Variants in TBC1D15 observed in about 807,000 individuals in gnomAD.
TBC1D15 encodes the protein GAP for RAB7.
In TBC1D15, 39 loss-of-function variants were observed where a neutral mutation model predicts 95.4. The observed-to-expected ratio is 0.41, with a 90% CI of 0.32 to 0.53. TBC1D15 has a LOEUF of 0.53. Ranked by LOEUF, TBC1D15 falls within the 20% of genes least tolerant of loss-of-function variation. The probability of loss-of-function intolerance (pLI) is 0.29; values close to 1 mark genes in which losing one functional copy is unlikely to be tolerated. For synonymous variants in TBC1D15, 258 were observed against 261.3 expected, an observed-to-expected ratio of 0.99 and a Z score of 0.12; for missense variants, 733 against 794.3, an observed-to-expected ratio of 0.92 and a Z score of 0.93.
chr12:71,920,230 C>A (rs1868753084), intron 14 of TBC1D15, among the ~76,000 whole-genome samples: 1 of 152,152 alleles, frequency 6.6e-6, no homozygotes, highest in Non-Finnish European at 1.5e-5. Context: ...TTGTCACAAT[C>A]AGGGATAAAA....
At chr12:71,918,743 TC>T (rs563163271) in intron 14 of TBC1D15, among the ~76,000 whole-genome samples, 195 bp downstream of exon 14, 167 of 152,342 alleles carry the variant, frequency 1.1e-3, no homozygotes, top group African/African-American at 3.7e-3. Flanking sequence ...GCTTCGTTCT[TC>T]AAATCACAAT....
intron 4 of TBC1D15, among the ~76,000 whole-genome samples, chr12:71,881,833 G>A (rs1254099169): frequency 3.4e-5 from 5 of 148,826 alleles, no homozygotes; most frequent in South Asian, 2.1e-4. Context: ...CAGGGGAATC[G>A]CTTGAGCCTG....
chr12:71,889,092 G>C (rs1464914069), intron 5 of TBC1D15, among the ~76,000 whole-genome samples: 1 of 152,200 alleles, frequency 6.6e-6, no homozygotes, highest in East Asian at 1.9e-4. Flanking sequence ...ATCAACTAAG[G>C]GGAGCATAGA....
chr12:71,918,987 T>C (rs375680088), intron 14 of TBC1D15, among the ~76,000 whole-genome samples: 6 of 152,190 alleles, frequency 3.9e-5, no homozygotes, highest in African/African-American at 1.4e-4. Context: ...GTTTGTTACA[T>C]AGGTAAATTG....
In TBC1D15 at chr12:71,903,221, C is replaced by T. The variant is rs184568277; in HGVS notation, c.1184-3801C>T. Among the ~76,000 whole-genome samples the T allele has an allele frequency of 3.3e-5, 5 of 152,228 alleles. No individual in the cohort carries two copies. The East Asian group carries it at 5.8e-4, about 18-fold the overall frequency. On this transcript the variant is annotated intron_variant, in intron 10 of 16. Transcript: ENST00000485960. ...GAGTTACCATGCCTGGCTGCAGACACGTCTTAAAAGAAGACATAAACACTG... is the reference window on the plus strand; with the variant it reads ...GAGTTACCATGCCTGGCTGCAGACATGTCTTAAAAGAAGACATAAACACTG...
chr12:71,913,238 C>G (rs1902841888), intron 11 of TBC1D15: 1 of 152,102 alleles, frequency 6.6e-6, no homozygotes, highest in Non-Finnish European at 1.5e-5. Flanking sequence ...GTAGATATGA[C>G]TATTTAAAAG....
Position 71,894,328 on chromosome 12 carries a change from G to GGACT in TBC1D15, c.658-356_658-353dup, listed in dbSNP as rs1566027819. ...GAAATATTTTTTTTGTATGAAGGCAGGACTGCTAGACAGAAGAAAGCTGTT... is the reference window on the plus strand; with the variant it reads ...GAAATATTTTTTTTGTATGAAGGCAGGACTGACTGCTAGACAGAAGAAAGCTGTT... On this transcript the variant is annotated intron_variant, in intron 6 of 16. Transcript: ENST00000485960. 3.1e-6 allele frequency: 5 copies of GGACT among 1,612,370 alleles called. No homozygotes were observed. The South Asian group carries it at 5.5e-5, about 18-fold the overall frequency.
At chr12:71,903,310 CAAT>C (rs1422591811) in intron 10 of TBC1D15, among the ~76,000 whole-genome samples, 3 of 152,126 alleles carry the variant, frequency 2.0e-5, no homozygotes, top group Non-Finnish European at 4.4e-5. Flanking sequence ...TTCAAAACAA[CAAT>C]GAGATACCAT....
chr12:71,840,939 T>C (rs1296535673), intron 1 of TBC1D15, among the ~76,000 whole-genome samples: 1 of 152,154 alleles, frequency 6.6e-6, no homozygotes. Context: ...CCAATCATTA[T>C]TTCTTGTATT....
chr12:71,919,637 T>C (rs1481898194), intron 14 of TBC1D15, among the ~76,000 whole-genome samples: 9 of 152,192 alleles, frequency 5.9e-5, no homozygotes, highest in African/African-American at 2.2e-4. Flanking sequence ...ATGGTCTCTA[T>C]CTGGAATCGT....
chr12:71,866,903 TAAAATAGTTG>T (rs1891622899), intron 1 of TBC1D15, among the ~76,000 whole-genome samples: 1 of 152,224 alleles, frequency 6.6e-6, no homozygotes, highest in Non-Finnish European at 1.5e-5. Context: ...TTGGGCTATT[TAAAATAGTTG>T]GTATTTGAGA....
At chr12:71,858,955 A>G (rs770287558) in intron 1 of TBC1D15, among the ~76,000 whole-genome samples, 3 of 149,228 alleles carry the variant, frequency 2.0e-5, no homozygotes, top group Admixed American at 1.3e-4. Flanking sequence ...TCTTTTCTCC[A>G]TATCCTCACC....
At chr12:71,895,915 A>G in intron 7 of TBC1D15, 32 bp from the exon 8 acceptor site, 2 of 1,601,176 alleles carry the variant, frequency 1.2e-6, no homozygotes, top group Non-Finnish European at 8.5e-7. Flanking sequence ...CTGGTTAAAT[A>G]TGTACTTATT....
intron 9 of TBC1D15, 118 bp downstream of exon 9, chr12:71,896,898 A>C (rs1013243484): frequency 4.7e-6 from 3 of 638,006 alleles, no homozygotes; most frequent in Non-Finnish European, 7.6e-6. Flanking sequence ...AAACAACTTC[A>C]TTTTTATGTT....
At chr12:71,876,665 G>A (rs1011203580) in intron 3 of TBC1D15, among the ~76,000 whole-genome samples, 7 of 152,036 alleles carry the variant, frequency 4.6e-5, no homozygotes, top group African/African-American at 1.7e-4. Context: ...GAAAAAGAGT[G>A]CATGGGAACA....
chr12:71,894,588 C>G, intron 6 of TBC1D15, 98 bp from the exon 7 acceptor site: 1 of 1,202,842 alleles, frequency 8.3e-7, no homozygotes, highest in Non-Finnish European at 1.2e-6. Context: ...GTCCTGATTT[C>G]TTTTCTTTTA....
chr12:71,844,947 A>T (rs1019195627), intron 1 of TBC1D15, among the ~76,000 whole-genome samples: 1 of 152,246 alleles, frequency 6.6e-6, no homozygotes, highest in African/African-American at 2.4e-5. Context: ...ATGCATGAGT[A>T]AAGAAACTTC....
chr12:71,920,977 G>T lies in TBC1D15; in HGVS notation c.1716+130G>T, dbSNP rs529290809. 7.2e-5 allele frequency: 48 copies of T among 664,204 alleles called. No individual in the cohort carries two copies. In the South Asian group the frequency reaches 8.7e-4, roughly 12 times the overall value. 41.1% of individuals were successfully genotyped at this position (664,204 alleles called of 1,614,324 possible). A position where few individuals can be genotyped will look rare whatever the true frequency, so the allele number is the denominator to read the frequency against. On this transcript the variant is annotated intron_variant, in intron 15 of 16. Transcript: ENST00000485960. The stretch of plus-strand genomic sequence containing the variant: ...TAAATTGTGTCAATAACAGTGCTAG[G>T]AATGACTATCTGAGAATGACAGTTC...
chr12:71,865,068 G>C (rs1891198142), intron 1 of TBC1D15, among the ~76,000 whole-genome samples: 1 of 152,200 alleles, frequency 6.6e-6, no homozygotes, highest in Non-Finnish European at 1.5e-5. Flanking sequence ...TTTGGTGTCA[G>C]ATTTGTTGTG....
Sources: allele counts gnomAD v4.1 joint callset (sites outside exome capture counted in the v4.1 genomes callset), GRCh38; gene constraint gnomAD v4.1.1; transcripts MANE v1.5; gene names NCBI Gene and HGNC (gene_info 2026-07-23, HGNC 2026-07-21).